Variants in TRIQK observed in about 807,000 individuals in gnomAD.
TRIQK encodes triple QxxK/R motif-containing protein.
Under a neutral mutation model 10.8 loss-of-function variants are expected in TRIQK, and 10 were observed. The ratio of observed to expected loss-of-function variants is 0.92; its 90% CI spans 0.57 to 1.57. TRIQK has a LOEUF of 1.57. Among genes scored for constraint, TRIQK ranks in the 40% most tolerant of loss-of-function variants. The pLI is 0.00. For missense variants in TRIQK, 107 were observed against 97.7 expected (o/e 1.09, Z -0.40); for synonymous variants, 33 against 33.7 (o/e 0.98, Z 0.07).
intron 4 of TRIQK, among the ~76,000 whole-genome samples, chr8:92,889,735 GACA>G (rs1816668591): frequency 6.6e-6 from 1 of 151,568 alleles, no homozygotes; most frequent in Non-Finnish European, 1.5e-5. Context: ...GAACTCTCCT[GACA>G]ACATTATGAG....
chr8:92,885,306 A>T lies in TRIQK; in HGVS notation c.*1316T>A, dbSNP rs1051158180. ...TTATAAAGCCCCATATACTCCTTAG[A>T]TATTTCCCAAGGATTTCTTCTCTTG... is the stretch of plus-strand genomic sequence containing the variant. On this transcript the variant is annotated 3_prime_UTR_variant, in exon 5 of 5. Transcript: ENST00000521988. 2.9e-5 allele frequency: 6 copies of T among 209,628 alleles called. No homozygotes were observed. In the East Asian group the frequency reaches 6.5e-4, roughly 23 times the overall value. The allele number at this position is 209,628 out of a possible 1,614,324, so 13.0% of individuals were successfully genotyped here.
At chr8:92,939,854 G>T (rs148421071) in intron 2 of TRIQK, among the ~76,000 whole-genome samples, 1 of 152,262 alleles carries the variant, frequency 6.6e-6, no homozygotes, top group Non-Finnish European at 1.5e-5. Context: ...GCATTCCTAA[G>T]GAGCATAGCC....
chr8:92,998,174 C>A (rs1208604276), intron 1 of TRIQK, among the ~76,000 whole-genome samples: 4 of 151,746 alleles, frequency 2.6e-5, no homozygotes, highest in Non-Finnish European at 5.9e-5. Context: ...TTAGTGAACT[C>A]TTAGTAAATG....
chr8:92,902,047 G>T (rs541979227), intron 3 of TRIQK, among the ~76,000 whole-genome samples: 2 of 152,178 alleles, frequency 1.3e-5, no homozygotes, highest in South Asian at 4.1e-4. Flanking sequence ...AAAGTAGCTT[G>T]TATTTTTTAT....
chr8:92,959,057 C>T (rs752538385), intron 1 of TRIQK, among the ~76,000 whole-genome samples: 9 of 151,546 alleles, frequency 5.9e-5, no homozygotes, highest in South Asian at 4.2e-4. Flanking sequence ...AACAAATGAG[C>T]GTGATTGTTT....
intron 1 of TRIQK, among the ~76,000 whole-genome samples, chr8:92,986,732 A>T (rs1446946369): frequency 6.6e-6 from 1 of 152,146 alleles, no homozygotes; most frequent in East Asian, 1.9e-4. Context: ...AATTTGTTTC[A>T]TTGTAGTCAT....
rs1395180101 is a variant in TRIQK at position 92,971,824 on chromosome 8, G to T, written c.-180-17260C>A. On this transcript the variant is annotated intron_variant, in intron 1 of 4. Transcript: ENST00000520686. Reference sequence around the variant, plus strand: ...GTAAAGTTTATATGGAACCAAAAAAGAGCTCATATAGCCAAGACAATCCTA... The same window carrying T: ...GTAAAGTTTATATGGAACCAAAAAATAGCTCATATAGCCAAGACAATCCTA... Among the ~76,000 whole-genome samples, 7 of 152,216 alleles carry T rather than the reference G, an allele frequency of 4.6e-5. No homozygotes were observed. The East Asian group carries it at 1.4e-3, about 29-fold the overall frequency.
intron 1 of TRIQK, among the ~76,000 whole-genome samples, chr8:92,994,918 T>C (rs1458641496): frequency 5.0e-5 from 7 of 139,200 alleles, no homozygotes; most frequent in Non-Finnish European, 9.1e-5. Flanking sequence ...TACAATATGT[T>C]CCTTCTCTTA....
intron 1 of TRIQK, among the ~76,000 whole-genome samples, chr8:92,987,207 A>G (rs1188523048): frequency 1.3e-5 from 2 of 152,200 alleles, no homozygotes; most frequent in Non-Finnish European, 2.9e-5. Flanking sequence ...AGCATCAGCC[A>G]CTGACTTACT....
upstream of TRIQK, among the ~76,000 whole-genome samples, chr8:92,967,303 A>C (rs1812790788): frequency 6.6e-6 from 1 of 152,166 alleles, no homozygotes; most frequent in East Asian, 1.9e-4. Flanking sequence ...AAGAAAAAAA[A>C]AAAGAGTACC....
chr8:93,006,953 C>G (rs910284892), intron 1 of TRIQK, among the ~76,000 whole-genome samples: 3 of 152,198 alleles, frequency 2.0e-5, no homozygotes, highest in Non-Finnish European at 2.9e-5. Context: ...TGGGCAGTTC[C>G]GACGAGTGGG....
At chr8:92,897,141 T>C (rs562953142) in intron 3 of TRIQK, among the ~76,000 whole-genome samples, 3 of 152,104 alleles carry the variant, frequency 2.0e-5, no homozygotes, top group East Asian at 3.9e-4. Flanking sequence ...TGGAAGTAGA[T>C]AATTTGATTA....
rs565048659 is a variant in TRIQK, at chr8:92,987,866, T to C, written c.-181+29743A>G. Among the ~76,000 whole-genome samples the C allele has an allele frequency of 2.0e-5, 3 of 151,912 alleles. No individual in the cohort carries two copies. The South Asian group carries it at 6.2e-4, about 31-fold the overall frequency. On this transcript the variant is annotated intron_variant, in intron 1 of 4. Coordinates refer to the TRIQK transcript ENST00000520686. Reference sequence around the variant, plus strand: ...AGAATATTTACTAAGATCTCAATAATGATATTGATGAAGAGATAGAAATAC... The same window carrying C: ...AGAATATTTACTAAGATCTCAATAACGATATTGATGAAGAGATAGAAATAC...
At chr8:92,893,859 G>A (rs915670346) in intron 3 of TRIQK, among the ~76,000 whole-genome samples, 1 of 151,342 alleles carries the variant, frequency 6.6e-6, no homozygotes, top group Non-Finnish European at 1.5e-5. Flanking sequence ...CGGGGGGTGG[G>A]GGGTGAGCAG....
At chr8:92,973,964 G>T (rs1042724284) in intron 1 of TRIQK, 3 of 152,346 alleles carry the variant, frequency 2.0e-5, no homozygotes, top group African/African-American at 7.2e-5. Context: ...CTGCAAACCT[G>T]CCCTGTGCAG....
chr8:92,934,898 C>T (rs865825054), intron 2 of TRIQK, among the ~76,000 whole-genome samples: 1 of 151,952 alleles, frequency 6.6e-6, no homozygotes, highest in Middle Eastern at 3.4e-3. Flanking sequence ...GCTAATATAA[C>T]TCTACTATGT....
intron 2 of TRIQK, among the ~76,000 whole-genome samples, chr8:92,952,866 C>T (rs1811979044): frequency 6.6e-6 from 1 of 152,020 alleles, no homozygotes; most frequent in Non-Finnish European, 1.5e-5. Context: ...GCATAACGAG[C>T]CACACTCCCT....
intron 2 of TRIQK, among the ~76,000 whole-genome samples, chr8:92,930,850 T>TA (rs1302897903): frequency 1.3e-5 from 2 of 152,082 alleles, no homozygotes; most frequent in East Asian, 1.9e-4. Flanking sequence ...ATCACAGGAA[T>TA]AAAAAAACTT....
intron 2 of TRIQK, among the ~76,000 whole-genome samples, chr8:92,919,016 A>C (rs748954527): frequency 6.6e-5 from 10 of 151,852 alleles, no homozygotes; most frequent in Non-Finnish European, 8.8e-5. Context: ...TACTTTTATA[A>C]AAAATGAGTA....
Sources: gnomAD v4.1 joint callset for allele counts (sites outside exome capture counted in the v4.1 genomes callset) on GRCh38, gnomAD v4.1.1 for gene constraint, MANE v1.5 for transcripts, NCBI Gene and HGNC (gene_info 2026-07-23, HGNC 2026-07-21) for gene names.